Variants in BPI observed in about 807,000 individuals in gnomAD.
The protein encoded by BPI is bactericidal permeability-increasing protein.
BPI carries 48 observed loss-of-function variants against 57.6 expected under a neutral mutation model. That is an observed-to-expected ratio of 0.83 (90% CI 0.66 to 1.06). The LOEUF is 1.06. BPI is among the 50% of genes least tolerant of loss of function. The pLI is 0.00. For missense variants in BPI, 651 were observed against 609.7 expected, an observed-to-expected ratio of 1.07 and a Z score of -0.71; for synonymous variants, 237 against 238.2, an observed-to-expected ratio of 0.99 and a Z score of 0.05.
chr20:38,311,828 G>A, intron 4 of BPI, 46 bp from the exon 5 acceptor site: 1 of 1,591,512 alleles, frequency 6.3e-7, no homozygotes, highest in Non-Finnish European at 8.6e-7. Context: ...TCCAGCCCAG[G>A]GACAATCAAA....
At chr20:38,320,067 G>A in intron 6 of BPI, 116 bp from the exon 7 acceptor site, 1 of 857,804 alleles carries the variant, frequency 1.2e-6, no homozygotes, top group Non-Finnish European at 1.9e-6. Context: ...GAGAAGGTGG[G>A]AATGAAACTT....
chr20:38,328,544 T>C (rs2076725469), intron 11 of BPI, among the ~76,000 whole-genome samples: 1 of 151,962 alleles, frequency 6.6e-6, no homozygotes, highest in African/African-American at 2.4e-5. Flanking sequence ...AGTGAGACTC[T>C]GTCTCAAAAA....
chr20:38,314,729 G>GGTGGT (rs2076643343), intron 5 of BPI, among the ~76,000 whole-genome samples: 1 of 148,554 alleles, frequency 6.7e-6, no homozygotes, highest in African/African-American at 2.5e-5. Context: ...TGATGATAAT[G>GGTGGT]ATGGTGATGG....
intron 8 of BPI, among the ~76,000 whole-genome samples, 178 bp from the exon 9 acceptor site, chr20:38,324,596 G>A (rs560127567): frequency 6.6e-6 from 1 of 152,122 alleles, no homozygotes; most frequent in African/African-American, 2.4e-5. Context: ...GCTGCAGAAG[G>A]TGTGGTTTGG....
In BPI at chr20:38,310,505, A is replaced by C; in HGVS notation, c.389A>C (p.Asn130Thr). Residue 130 changes from asparagine to threonine, a missense_variant, in exon 4 of 15, where the codon AAT becomes ACT. Transcript: ENST00000642449. Reference protein sequence around the residue: ...AQKRFLKMSGNFDLSIEGMSI... With the variant: ...AQKRFLKMSGTFDLSIEGMSI... ...TTCTTCTTCAGAAAAATGAGCGGCAATTTTGACCTGAGCATAGAAGGCATG... is the reference window on the plus strand; with the variant it reads ...TTCTTCTTCAGAAAAATGAGCGGCACTTTTGACCTGAGCATAGAAGGCATG... 1 of 1,613,308 alleles carries C rather than the reference A, an allele frequency of 6.2e-7. No individual in the cohort carries two copies. Among genetic ancestry groups the C allele is most frequent in the Non-Finnish European group, 8.5e-7 (1 of 1,179,356 alleles).
chr20:38,328,677 G>A (rs1029109410), intron 11 of BPI, among the ~76,000 whole-genome samples: 1 of 152,018 alleles, frequency 6.6e-6, no homozygotes, highest in Non-Finnish European at 1.5e-5. Context: ...ATATGCAAGA[G>A]GGAAAGAGAA....
chr20:38,330,493 A>C (rs886693599), intron 11 of BPI, among the ~76,000 whole-genome samples: 1 of 152,184 alleles, frequency 6.6e-6, no homozygotes, highest in Non-Finnish European at 1.5e-5. Flanking sequence ...AAGGCCTTAA[A>C]GGGAAAATAG....
At chr20:38,309,668 CA>C (rs1266023456) in intron 3 of BPI, among the ~76,000 whole-genome samples, 1 of 152,202 alleles carries the variant, frequency 6.6e-6, no homozygotes, top group Non-Finnish European at 1.5e-5. Flanking sequence ...TCAACCCTGC[CA>C]TGATAGGCAA....
At chr20:38,322,723 G>T (rs1443759527) in intron 7 of BPI, among the ~76,000 whole-genome samples, 2 of 152,306 alleles carry the variant, frequency 1.3e-5, no homozygotes, top group African/African-American at 2.4e-5. Flanking sequence ...CGATTCTCCT[G>T]CTTCAGCCTC....
intron 10 of BPI, among the ~76,000 whole-genome samples, chr20:38,327,315 A>G (rs891665949): frequency 3.3e-5 from 5 of 152,234 alleles, no homozygotes; most frequent in Non-Finnish European, 7.3e-5. Context: ...GATTGTGAGA[A>G]TGGGGCTGGC....
chr20:38,327,680 G>A (rs1253341297), intron 11 of BPI, 25 bp downstream of exon 11: 7 of 1,611,516 alleles, frequency 4.3e-6, no homozygotes, highest in South Asian at 1.1e-5. Context: ...GAGAGGAGGA[G>A]GGGGCTGCCC....
rs773120982 is a variant in BPI at position 38,323,834 on chromosome 20, G to C, written c.757-36G>C. The C allele has an allele frequency of 1.4e-5, 22 of 1,594,898 alleles. No homozygotes were observed. In the South Asian group the frequency reaches 2.4e-4, roughly 17 times the overall value. On this transcript the variant is annotated intron_variant, in intron 7 of 14. Coordinates refer to ENST00000642449, the MANE Select transcript of BPI (RefSeq NM_001725.3). ...GAGATGTTGACTTATAATTCCTGAA[G>C]AATATCTGGGCTCACTCTGTTGCCT...
chr20:38,310,465 C>T (rs2076616390), intron 3 of BPI, 26 bp from the exon 4 acceptor site: 1 of 1,604,760 alleles, frequency 6.2e-7, no homozygotes, highest in African/African-American at 1.3e-5. Flanking sequence ...AGGACTTGTC[C>T]CACATTCCTC....
intron 4 of BPI, 39 bp downstream of exon 4, chr20:38,310,691 A>C (rs1391362778): frequency 6.3e-7 from 1 of 1,590,942 alleles, no homozygotes; most frequent in Admixed American, 1.7e-5. Flanking sequence ...GGAGGGACTT[A>C]AAGAAGAACT....
chr20:38,318,828 A>G (rs1429600991), intron 6 of BPI, among the ~76,000 whole-genome samples: 2 of 152,186 alleles, frequency 1.3e-5, no homozygotes, highest in African/African-American at 2.4e-5. Flanking sequence ...AAATGGGGAC[A>G]GTAATCTTCA....
chr20:38,327,141 T>G (rs1028952687), intron 10 of BPI, among the ~76,000 whole-genome samples: 1 of 152,180 alleles, frequency 6.6e-6, no homozygotes, highest in African/African-American at 2.4e-5. Flanking sequence ...CTTAGAGGCC[T>G]TAGGCAGGTC....
At chr20:38,326,127 C>G in intron 9 of BPI, 138 bp from the exon 10 acceptor site, 2 of 921,710 alleles carry the variant, frequency 2.2e-6, no homozygotes, top group Non-Finnish European at 3.1e-6. Flanking sequence ...AGCTGGCAGA[C>G]TGTGCAATCT....
intron 4 of BPI, 102 bp from the exon 5 acceptor site, chr20:38,311,772 G>A (rs2076623076): frequency 1.6e-6 from 2 of 1,218,964 alleles, no homozygotes; most frequent in Admixed American, 1.7e-5. Flanking sequence ...GCCAAAACCT[G>A]TTTCTAGGAG....
intron 14 of BPI, among the ~76,000 whole-genome samples, chr20:38,336,637 C>A (rs899660203): frequency 9.9e-5 from 15 of 152,190 alleles, no homozygotes; most frequent in Middle Eastern, 6.8e-3. Context: ...ATTCTTTAGA[C>A]CAGGGAGCTA....
Sources: allele counts gnomAD v4.1 joint callset (sites outside exome capture counted in the v4.1 genomes callset), GRCh38; gene constraint gnomAD v4.1.1; transcripts MANE v1.5; gene names NCBI Gene and HGNC (gene_info 2026-07-23, HGNC 2026-07-21).